The following STMN2 variants were observed in gnomAD, a reference collection of about 807,000 sequenced individuals.
The protein encoded by STMN2 is stathmin 2.
Under a neutral mutation model 24.1 loss-of-function variants are expected in STMN2, and 2 were observed. That is an observed-to-expected ratio of 0.08 (90% CI 0.03 to 0.26). The LOEUF is 0.26. STMN2 is among the 10% of genes least tolerant of loss of function. The probability of loss-of-function intolerance (pLI) is 1.00; values close to 1 mark genes in which losing one functional copy is unlikely to be tolerated. For synonymous variants in STMN2, 83 were observed against 77.5 expected, an observed-to-expected ratio of 1.07 and a Z score of -0.37; for missense variants, 114 against 213.6, an observed-to-expected ratio of 0.53 and a Z score of 2.91.
At chr8:79,663,632 T>C (rs1806543892) in intron 4 of STMN2, 2 of 1,531,338 alleles carry the variant, frequency 1.3e-6, no homozygotes, top group Non-Finnish European at 1.7e-6. Context: ...TCTCAATTTC[T>C]GGAGCTTCAG....
chr8:79,619,062 T>C (rs1809451051), intron 1 of STMN2, among the ~76,000 whole-genome samples: 1 of 151,592 alleles, frequency 6.6e-6, no homozygotes, highest in Non-Finnish European at 1.5e-5. Flanking sequence ...TGCCTAGGAC[T>C]GAATGATTTT....
chr8:79,619,817 G>T (rs1042917794), intron 1 of STMN2, among the ~76,000 whole-genome samples: 6 of 152,032 alleles, frequency 3.9e-5, no homozygotes, highest in African/African-American at 1.4e-4. Context: ...AGTTGTTCTA[G>T]TCTTTTAATG....
intron 1 of STMN2, among the ~76,000 whole-genome samples, chr8:79,615,607 C>T (rs1374922924): frequency 6.6e-6 from 1 of 152,176 alleles, no homozygotes; most frequent in Admixed American, 6.5e-5. Flanking sequence ...CTTTTCACCA[C>T]ACTAGAGGGC....
chr8:79,617,940 G>C (rs569044925), intron 1 of STMN2, among the ~76,000 whole-genome samples: 1 of 152,326 alleles, frequency 6.6e-6, no homozygotes, highest in Admixed American at 6.5e-5. Flanking sequence ...TTCTATTACA[G>C]ATATGGAAAC....
rs1354828170 is a variant in STMN2, at chr8:79,636,809, G to T, written c.27G>T (p.Lys9Asn). The T allele has an allele frequency of 1.2e-6, 2 of 1,613,402 alleles. No individual in the cohort carries two copies. The highest frequency in any genetic ancestry group is 1.7e-6 in the Non-Finnish European group (2 of 1,179,668). ...TTCAGCTTTTCATTTCAGCCTACAAGGAAAAAATGAAGGAGCTGTCCATGC... is the reference window on the plus strand; with the variant it reads ...TTCAGCTTTTCATTTCAGCCTACAATGAAAAAATGAAGGAGCTGTCCATGC... MAKTAMAY[K>N]EKMKELSMLS... The change falls in exon 2 of 5, where the codon AAG becomes AAT. Residue 9 changes from lysine (K) to asparagine (N), a missense_variant. Coordinates refer to ENST00000220876, the MANE Select transcript of STMN2 (RefSeq NM_007029.4).
At chr8:79,617,038 A>G (rs893294869) in intron 1 of STMN2, among the ~76,000 whole-genome samples, 15 of 152,218 alleles carry the variant, frequency 9.9e-5, no homozygotes, top group African/African-American at 3.6e-4. Flanking sequence ...AAAACAAAAG[A>G]TTGCTGTCTC....
chr8:79,642,398 T>C (rs1185517751), intron 3 of STMN2, among the ~76,000 whole-genome samples: 1 of 152,188 alleles, frequency 6.6e-6, no homozygotes, highest in Non-Finnish European at 1.5e-5. Context: ...CCCATCAAGG[T>C]ACTCACGATC....
rs1011493193 is a variant in STMN2, at chr8:79,624,453, CAAAAAAAAAA to C, written c.20-12333_20-12324del. Among the ~76,000 whole-genome samples, 8 of 45,132 alleles carry C rather than the reference CAAAAAAAAAA, an allele frequency of 1.8e-4. No homozygotes were observed. In the East Asian group the frequency reaches 4.9e-3, roughly 27 times the overall value. 29.6% of individuals were successfully genotyped at this position (45,132 alleles called of 152,430 possible). ...TGGGCGACAGAGCGAGACTCCGTCT[CAAAAAAAAAA>C]AAAAAAAAAAAAAAAGAAAGAAAGA... is the stretch of plus-strand genomic sequence containing the variant. On this transcript the variant is annotated intron_variant, in intron 1 of 4. Coordinates refer to ENST00000220876, the MANE Select transcript of STMN2 (RefSeq NM_007029.4).
At chr8:79,621,716 T>C (rs1474262343) in intron 1 of STMN2, among the ~76,000 whole-genome samples, 1 of 152,168 alleles carries the variant, frequency 6.6e-6, no homozygotes, top group African/African-American at 2.4e-5. Context: ...AGAGAATCTC[T>C]AGAAGCAGGG....
chr8:79,611,764 C>T (rs910034064), intron 1 of STMN2: 143 of 980,240 alleles, frequency 1.5e-4, no homozygotes, highest in Non-Finnish European at 1.7e-4. Flanking sequence ...TCGAAGAAAC[C>T]GCTAGTCCTG....
At chr8:79,633,250 G>A (rs1809857699) in intron 1 of STMN2, among the ~76,000 whole-genome samples, 2 of 152,160 alleles carry the variant, frequency 1.3e-5, no homozygotes, top group Non-Finnish European at 2.9e-5. Context: ...GATCTCCTTA[G>A]AATGCAAGCA....
chr8:79,649,575 C>T (rs183621457), intron 3 of STMN2, among the ~76,000 whole-genome samples: 4 of 152,220 alleles, frequency 2.6e-5, no homozygotes, highest in Admixed American at 2.0e-4. Flanking sequence ...TAATTACAGA[C>T]ACATCACCTA....
chr8:79,623,852 T>C (rs544163642), intron 1 of STMN2, among the ~76,000 whole-genome samples: 1 of 152,258 alleles, frequency 6.6e-6, no homozygotes, highest in African/African-American at 2.4e-5. Flanking sequence ...AATAAAAGAA[T>C]TGCATGTCTT....
chr8:79,634,706 G>A (rs1274258290), intron 1 of STMN2, among the ~76,000 whole-genome samples: 1 of 152,196 alleles, frequency 6.6e-6, no homozygotes, highest in Non-Finnish European at 1.5e-5. Context: ...AATTGGTGGT[G>A]AGGTAGGTGG....
intron 1 of STMN2, among the ~76,000 whole-genome samples, chr8:79,627,704 CTTA>C (rs1172259589): frequency 6.6e-6 from 1 of 150,854 alleles, no homozygotes; most frequent in East Asian, 2.0e-4. Context: ...CATATATATA[CTTA>C]TTATGAAATA....
chr8:79,633,009 C>T (rs528349592), intron 1 of STMN2, among the ~76,000 whole-genome samples: 1 of 152,074 alleles, frequency 6.6e-6, no homozygotes, highest in African/African-American at 2.4e-5. Context: ...AGTCTCTTCC[C>T]TTTTTTTTCT....
At chr8:79,611,818 G>T (rs1372372666) in intron 1 of STMN2, 3 of 681,720 alleles carry the variant, frequency 4.4e-6, no homozygotes, top group Non-Finnish European at 5.4e-6. Flanking sequence ...CAGGGTGGGG[G>T]TAGGACCTCC....
intron 3 of STMN2, among the ~76,000 whole-genome samples, chr8:79,649,256 GA>G (rs1229122147): frequency 5.9e-5 from 9 of 151,736 alleles, no homozygotes; most frequent in African/African-American, 2.2e-4. Context: ...GCTCCTTACA[GA>G]ATATGGCACG....
At chr8:79,635,786 C>T (rs1809932720) in intron 1 of STMN2, among the ~76,000 whole-genome samples, 2 of 152,028 alleles carry the variant, frequency 1.3e-5, no homozygotes, top group African/African-American at 4.8e-5. Flanking sequence ...TGTAAAACTA[C>T]CTATCAGGTG....
Sources: allele counts gnomAD v4.1 joint callset (sites outside exome capture counted in the v4.1 genomes callset), GRCh38; gene constraint gnomAD v4.1.1; transcripts MANE v1.5; gene names NCBI Gene and HGNC (gene_info 2026-07-23, HGNC 2026-07-21).